The following TNKS variants were observed in gnomAD, a reference collection of about 807,000 sequenced individuals.
The protein encoded by TNKS is poly [ADP-ribose] polymerase tankyrase-1.
TNKS carries 72 observed loss-of-function variants against 135.8 expected under a neutral mutation model. The observed-to-expected ratio is 0.53, with a 90% CI of 0.44 to 0.64. The LOEUF (loss-of-function observed/expected upper bound fraction) is 0.64. Among genes scored for constraint, TNKS ranks in the 30% least tolerant of loss-of-function variants. The probability of loss-of-function intolerance (pLI) is 0.00; values close to 1 mark genes in which losing one functional copy is unlikely to be tolerated. For missense variants in TNKS, 1,769 were observed against 1,674.0 expected, an observed-to-expected ratio of 1.06 and a Z score of -0.99; for synonymous variants, 849 against 649.3, an observed-to-expected ratio of 1.31 and a Z score of -4.68.
intron 26 of TNKS, among the ~76,000 whole-genome samples, chr8:9,775,748 G>C (rs114217416): frequency 1.3e-5 from 2 of 151,652 alleles, no homozygotes; most frequent in Non-Finnish European, 2.9e-5. Flanking sequence ...TATGCAAGTA[G>C]TTTGTTGGTC....
chr8:9,675,665 C>T (rs1802502572), intron 3 of TNKS, among the ~76,000 whole-genome samples: 1 of 152,136 alleles, frequency 6.6e-6, no homozygotes, highest in Admixed American at 6.6e-5. Flanking sequence ...TAATAATTGT[C>T]ATTATTTTTT....
chr8:9,705,359 C>G (rs1486672983), intron 6 of TNKS, among the ~76,000 whole-genome samples: 3 of 152,176 alleles, frequency 2.0e-5, no homozygotes, highest in Admixed American at 1.3e-4. Flanking sequence ...GGTGGACTAA[C>G]ATTTCTCATT....
chr8:9,712,857 T>A (rs1401228113), intron 11 of TNKS, among the ~76,000 whole-genome samples: 1 of 152,206 alleles, frequency 6.6e-6, no homozygotes, highest in African/African-American at 2.4e-5. Context: ...GCCACTACAC[T>A]GTAGCCTGGG....
intron 25 of TNKS, among the ~76,000 whole-genome samples, chr8:9,769,666 C>T (rs553972143): frequency 7.3e-6 from 1 of 137,728 alleles, no homozygotes; most frequent in South Asian, 2.3e-4. Context: ...GTCGCCCAGC[C>T]TGGAGTGCAG....
intron 1 of TNKS, chr8:9,557,571 A>G (rs1012283433): frequency 3.3e-5 from 5 of 152,310 alleles, no homozygotes; most frequent in South Asian, 4.1e-4. Flanking sequence ...CATTAGAAAC[A>G]TTATATTGGA....
chr8:9,635,988 G>C (rs182330262), intron 3 of TNKS, among the ~76,000 whole-genome samples: 1 of 152,190 alleles, frequency 6.6e-6, no homozygotes, highest in Admixed American at 6.5e-5. Flanking sequence ...GAAAAGTATT[G>C]TACCAGTGTT....
At chr8:9,753,318 A>C (rs1806651532) in intron 20 of TNKS, among the ~76,000 whole-genome samples, 1 of 152,184 alleles carries the variant, frequency 6.6e-6, no homozygotes, top group East Asian at 1.9e-4. Context: ...TTTGGAAAGC[A>C]CAGTAGTACT....
chr8:9,705,310 C>G (rs1246525828), intron 6 of TNKS, among the ~76,000 whole-genome samples: 1 of 152,162 alleles, frequency 6.6e-6, no homozygotes, highest in Non-Finnish European at 1.5e-5. Flanking sequence ...CCTGTAAAGT[C>G]TCCAGAGATA....
At chr8:9,757,063 G>A (rs919540307) in intron 20 of TNKS, among the ~76,000 whole-genome samples, 1 of 152,038 alleles carries the variant, frequency 6.6e-6, no homozygotes, top group Non-Finnish European at 1.5e-5. Flanking sequence ...TGCAACCTCC[G>A]CCTCCCAGGT....
chr8:9,686,138 C>G (rs1053525479), intron 5 of TNKS, among the ~76,000 whole-genome samples: 1 of 152,156 alleles, frequency 6.6e-6, no homozygotes, highest in African/African-American at 2.4e-5. Context: ...GATACTCTGT[C>G]CTATTCAGGA....
At chr8:9,571,215 C>A (rs1187453113) in intron 1 of TNKS, among the ~76,000 whole-genome samples, 2 of 152,224 alleles carry the variant, frequency 1.3e-5, no homozygotes, top group South Asian at 2.1e-4. Flanking sequence ...ATCCTTGTAG[C>A]CTTTTTTCCT....
At chr8:9,705,853 A>G (rs1006751645) in intron 6 of TNKS, among the ~76,000 whole-genome samples, 7 of 152,232 alleles carry the variant, frequency 4.6e-5, no homozygotes, top group Non-Finnish European at 1.0e-4. Flanking sequence ...AAAATGGTGG[A>G]ATATTTCAGT....
chr8:9,598,192 C>T (rs1798865704), intron 2 of TNKS, among the ~76,000 whole-genome samples: 1 of 152,066 alleles, frequency 6.6e-6, no homozygotes, highest in African/African-American at 2.4e-5. Flanking sequence ...ACTACAGGTG[C>T]CTGCCACCAT....
chr8:9,575,151 A>G (rs1482685802), intron 1 of TNKS: 2 of 826,590 alleles, frequency 2.4e-6, no homozygotes, highest in Admixed American at 6.2e-5. Context: ...TAGGGGCGCG[A>G]TCTCGGCTCA....
intron 1 of TNKS, among the ~76,000 whole-genome samples, chr8:9,577,785 A>G (rs1238578036): frequency 6.6e-6 from 1 of 152,140 alleles, no homozygotes; most frequent in Non-Finnish European, 1.5e-5. Context: ...TCAAAATACA[A>G]TCATGCCTTC....
intron 5 of TNKS, among the ~76,000 whole-genome samples, chr8:9,697,110 C>G (rs1239491034): frequency 6.6e-6 from 1 of 152,112 alleles, no homozygotes; most frequent in African/African-American, 2.4e-5. Flanking sequence ...GACACGTAGA[C>G]TGATGGAATG....
chr8:9,668,219 G>C (rs1463720463), intron 3 of TNKS, among the ~76,000 whole-genome samples: 1 of 152,214 alleles, frequency 6.6e-6, no homozygotes, highest in Non-Finnish European at 1.5e-5. Flanking sequence ...TGGTATGTAA[G>C]GGCTGTTTGT....
chr8:9,771,215 G>C lies in TNKS; in HGVS notation c.3897+953G>C, dbSNP rs533716493. The stretch of plus-strand genomic sequence containing the variant: ...GAAGGAAGTGAGGGAGGAAGAGAGA[G>C]AGGAAGGGAGGGAGAGAGCGAGGAA... On this transcript the variant is annotated intron_variant, in intron 26 of 26. Coordinates refer to ENST00000310430, the MANE Select transcript of TNKS (RefSeq NM_003747.3). Among the ~76,000 whole-genome samples the C allele has an allele frequency of 4.8e-5, 7 of 145,938 alleles. No homozygotes were observed. The East Asian group carries it at 8.3e-4, about 17-fold the overall frequency.
intron 3 of TNKS, among the ~76,000 whole-genome samples, chr8:9,647,225 C>G (rs1424161138): frequency 6.6e-6 from 1 of 152,186 alleles, no homozygotes; most frequent in Non-Finnish European, 1.5e-5. Flanking sequence ...TACCTTTGTT[C>G]ACTTTTTGCG....
Sources: gnomAD v4.1 joint callset for allele counts (sites outside exome capture counted in the v4.1 genomes callset) on GRCh38, gnomAD v4.1.1 for gene constraint, MANE v1.5 for transcripts, NCBI Gene and HGNC (gene_info 2026-07-23, HGNC 2026-07-21) for gene names.